Variants in SCML2 observed in about 807,000 individuals in gnomAD.
The protein encoded by SCML2 is Scm polycomb group protein like 2, also known as sex comb on midleg-like protein 2.
In SCML2, 6 loss-of-function variants were observed where a neutral mutation model predicts 48.4. The observed-to-expected ratio is 0.12, with a 90% confidence interval of 0.07 to 0.24. The LOEUF (loss-of-function observed/expected upper bound fraction) is 0.24, where lower values mean the gene tolerates loss of function less well. SCML2 is among the 10% of genes least tolerant of loss of function. The pLI, the probability that SCML2 is intolerant of heterozygous loss-of-function variation, is 1.00. For missense variants in SCML2, 377 were observed against 528.2 expected (o/e 0.71, Z 2.81); for synonymous variants, 181 against 189.5 (o/e 0.95, Z 0.37).
chrX:18,314,674 C>T (rs1430344554), intron 6 of SCML2, among the ~76,000 whole-genome samples: 1 of 111,986 alleles, frequency 8.9e-6, no homozygotes, highest in Non-Finnish European at 1.9e-5. Context: ...CTAATATAGG[C>T]ACTGACAATA....
At position 18,345,388 on chromosome X, in the gene SCML2, T is replaced by A. The variant is rs1296602408; in HGVS notation, c.-25+9204A>T. Among the ~76,000 whole-genome samples, 4 of 111,178 alleles carry A rather than the reference T, an allele frequency of 3.6e-5. No individual in the cohort carries two copies. In the East Asian group the frequency reaches 1.1e-3, roughly 32 times the overall value. On this transcript the variant is annotated intron_variant, in intron 1 of 14. Transcript: ENST00000251900. ...ACTATATAGAACCAGAATACTGTGG[T>A]TTTTAAAAACAATTTTTTTTTTGAA...
At chrX:18,257,290 T>C (rs1195388332) in intron 10 of SCML2, among the ~76,000 whole-genome samples, 1 of 111,969 alleles carries the variant, frequency 8.9e-6, no homozygotes, top group Non-Finnish European at 1.9e-5. Flanking sequence ...CTTCCTTCTA[T>C]TCCAAATATT....
At chrX:18,310,628 T>A (rs763051110) in intron 6 of SCML2, among the ~76,000 whole-genome samples, 19 of 109,457 alleles carry the variant, frequency 1.7e-4, no homozygotes, top group Non-Finnish European at 3.4e-4. Context: ...TTTACTTTTA[T>A]AAAAGACAGG....
intron 8 of SCML2, among the ~76,000 whole-genome samples, chrX:18,261,700 G>A (rs1211089588): frequency 3.6e-5 from 4 of 109,730 alleles, no homozygotes; most frequent in Non-Finnish European, 5.6e-5. Context: ...GGAAACTAAA[G>A]GAGTCAAAGG....
At chrX:18,285,785 C>T (rs1458723050) in intron 7 of SCML2, among the ~76,000 whole-genome samples, 1 of 111,666 alleles carries the variant, frequency 9.0e-6, no homozygotes, top group Non-Finnish European at 1.9e-5. Flanking sequence ...AAAACTATTG[C>T]ACCAAATATT....
intron 1 of SCML2, among the ~76,000 whole-genome samples, chrX:18,345,936 T>C (rs1247608208): frequency 9.3e-5 from 10 of 107,751 alleles, no homozygotes; most frequent in African/African-American, 3.4e-4. Flanking sequence ...TTTTTTTTTT[T>C]TTAATTTTAG....
At chrX:18,276,252 C>T (rs770125354) in intron 7 of SCML2, among the ~76,000 whole-genome samples, 3 of 106,830 alleles carry the variant, frequency 2.8e-5, no homozygotes, top group African/African-American at 3.5e-5. Flanking sequence ...CAAGATTGCA[C>T]GACTGCACTC....
At chrX:18,318,883 G>A (rs1288130375) in intron 6 of SCML2, among the ~76,000 whole-genome samples, 1 of 111,886 alleles carries the variant, frequency 8.9e-6, no homozygotes, top group Non-Finnish European at 1.9e-5. Context: ...AAATTTGTAT[G>A]TTGAAGCACT....
At chrX:18,276,311 A>C (rs1054257505) in intron 7 of SCML2, among the ~76,000 whole-genome samples, 4 of 110,722 alleles carry the variant, frequency 3.6e-5, no homozygotes, top group African/African-American at 1.3e-4. Flanking sequence ...AAAAAAAAAA[A>C]AAAACAGTTT....
intron 1 of SCML2, among the ~76,000 whole-genome samples, chrX:18,337,388 C>T (rs1353279668): frequency 6.0e-4 from 26 of 43,689 alleles, no homozygotes; most frequent in African/African-American, 2.1e-3. Context: ...AATATAAAGA[C>T]ACATATAAAC....
chrX:18,294,945 C>T (rs898528336), intron 7 of SCML2, among the ~76,000 whole-genome samples: 1 of 111,461 alleles, frequency 9.0e-6, no homozygotes, highest in African/African-American at 3.3e-5. Context: ...ACACTGCCCA[C>T]AGCAGCTGCC....
intron 6 of SCML2, among the ~76,000 whole-genome samples, chrX:18,317,690 C>T (rs1000820742): frequency 2.2e-3 from 245 of 109,281 alleles, no homozygotes; most frequent in Non-Finnish European, 3.1e-3. Context: ...AAAAATTAGC[C>T]GGGCGTGGTA....
intron 14 of SCML2, 58 bp downstream of exon 14, chrX:18,242,381 T>G: frequency 9.0e-7 from 1 of 1,110,173 alleles, no homozygotes; most frequent in Non-Finnish European, 1.2e-6. Flanking sequence ...ATGAAGGGCC[T>G]GCACAGAGGT....
At chrX:18,334,591 T>C (rs1401947296) in intron 1 of SCML2, among the ~76,000 whole-genome samples, 1 of 110,978 alleles carries the variant, frequency 9.0e-6, no homozygotes, top group Non-Finnish European at 1.9e-5. Context: ...ACTGCAAGAG[T>C]CAAGTCTAAC....
intron 6 of SCML2, among the ~76,000 whole-genome samples, chrX:18,308,578 C>T (rs1278179116): frequency 1.8e-5 from 2 of 111,435 alleles, no homozygotes; most frequent in Non-Finnish European, 3.8e-5. Context: ...ATCAAAACCA[C>T]AATGAGATGC....
intron 6 of SCML2, among the ~76,000 whole-genome samples, chrX:18,317,833 C>CAAAAA (rs35128193): frequency 7.8e-5 from 3 of 38,493 alleles, no homozygotes; most frequent in South Asian, 1.7e-3. Flanking sequence ...GACTCCGTCT[C>CAAAAA]AAAAAAAAAA....
chrX:18,311,072 A>G (rs186780245), intron 6 of SCML2, among the ~76,000 whole-genome samples: 2 of 112,099 alleles, frequency 1.8e-5, no homozygotes, highest in African/African-American at 6.5e-5. Context: ...TAAGCTCCAT[A>G]AGAGCATATT....
intron 13 of SCML2, among the ~76,000 whole-genome samples, chrX:18,244,624 CAT>C (rs1269624149): frequency 3.6e-5 from 4 of 111,563 alleles, no homozygotes; most frequent in African/African-American, 1.3e-4. Context: ...ACAAACTAAT[CAT>C]GTGAAAAATA....
At chrX:18,266,059 G>C (rs1927249143) in intron 7 of SCML2, among the ~76,000 whole-genome samples, 1 of 111,192 alleles carries the variant, frequency 9.0e-6, no homozygotes, top group Non-Finnish European at 1.9e-5. Flanking sequence ...AACTTAGCAT[G>C]GTAAAAATTC....
Sources: allele counts gnomAD v4.1 joint callset (sites outside exome capture counted in the v4.1 genomes callset), GRCh38; gene constraint gnomAD v4.1.1; transcripts MANE v1.5; gene names NCBI Gene and HGNC (gene_info 2026-07-23, HGNC 2026-07-21).